Variants in HCRTR2 observed in about 807,000 individuals in gnomAD.
HCRTR2 encodes hypocretin receptor 2.
A neutral mutation model predicts 49.0 loss-of-function variants in HCRTR2; 22 were observed. The observed-to-expected ratio is 0.45, with a 90% CI of 0.32 to 0.64. HCRTR2 has a LOEUF of 0.64. Ranked by LOEUF, HCRTR2 falls within the 30% of genes least tolerant of loss-of-function variation. The probability of loss-of-function intolerance (pLI) is 0.04; values close to 1 mark genes in which losing one functional copy is unlikely to be tolerated. For synonymous variants in HCRTR2, 236 were observed against 205.3 expected, an observed-to-expected ratio of 1.15 and a Z score of -1.28; for missense variants, 491 against 559.4, an observed-to-expected ratio of 0.88 and a Z score of 1.23.
chr6:55,117,076 T>C (rs1764128392), intron 1 of HCRTR2, among the ~76,000 whole-genome samples: 1 of 151,894 alleles, frequency 6.6e-6, no homozygotes, highest in African/African-American at 2.4e-5. Flanking sequence ...TTAAATGGAC[T>C]GAGAAAAGCT....
intron 1 of HCRTR2, among the ~76,000 whole-genome samples, chr6:55,221,619 C>G (rs573791129): frequency 2.0e-5 from 3 of 152,210 alleles, no homozygotes; most frequent in East Asian, 3.9e-4. Context: ...CGAGACCATC[C>G]TGGCTAACAC....
chr6:55,170,682 C>G (rs1190218741), upstream of HCRTR2, among the ~76,000 whole-genome samples: 2 of 151,102 alleles, frequency 1.3e-5, no homozygotes, highest in Non-Finnish European at 2.9e-5. Flanking sequence ...GTGCTGCACC[C>G]ATTAACTCCT....
intron 1 of HCRTR2, among the ~76,000 whole-genome samples, chr6:55,123,659 T>G (rs1561978687): frequency 6.6e-6 from 1 of 152,166 alleles, no homozygotes; most frequent in Non-Finnish European, 1.5e-5. Flanking sequence ...TTAGGGAGGA[T>G]TCCTGCTTTT....
intron 1 of HCRTR2, among the ~76,000 whole-genome samples, chr6:55,188,796 TAA>T (rs1765268017): frequency 6.6e-6 from 1 of 152,178 alleles, no homozygotes; most frequent in Non-Finnish European, 1.5e-5. Context: ...AGGCATATGC[TAA>T]GTCTCAGAAC....
chr6:55,247,021 T>A (rs1456070079), intron 1 of HCRTR2, among the ~76,000 whole-genome samples: 1 of 152,072 alleles, frequency 6.6e-6, no homozygotes, highest in Admixed American at 6.6e-5. Context: ...TTTTCCTAGA[T>A]CCAATATTGT....
intron 2 of HCRTR2, among the ~76,000 whole-genome samples, chr6:55,252,989 T>C (rs1257706201): frequency 6.6e-6 from 1 of 152,020 alleles, no homozygotes; most frequent in Non-Finnish European, 1.5e-5. Flanking sequence ...TAGGTACTAT[T>C]AATCATCCAC....
chr6:55,262,562 A>C (rs1235481064), intron 3 of HCRTR2, among the ~76,000 whole-genome samples: 1 of 132,338 alleles, frequency 7.6e-6, no homozygotes, highest in Non-Finnish European at 1.5e-5. Flanking sequence ...ATTATATATT[A>C]TATATTTATA....
At chr6:55,168,134 G>A (rs183124796) in intron 1 of HCRTR2, among the ~76,000 whole-genome samples, 3 of 152,304 alleles carry the variant, frequency 2.0e-5, no homozygotes, top group Admixed American at 1.3e-4. Context: ...TAAGTCTGGG[G>A]ATACAAAGAT....
intron 1 of HCRTR2, among the ~76,000 whole-genome samples, chr6:55,212,871 TA>T (rs1345456105): frequency 4.6e-5 from 7 of 152,164 alleles, no homozygotes; most frequent in Admixed American, 1.3e-4. Flanking sequence ...CCATCTAATT[TA>T]AAATTCCAAC....
At chr6:55,225,464 A>G (rs1765985440) in intron 1 of HCRTR2, among the ~76,000 whole-genome samples, 1 of 152,178 alleles carries the variant, frequency 6.6e-6, no homozygotes, top group Admixed American at 6.5e-5. Context: ...TGGTGATACA[A>G]AGGCATATGA....
chr6:55,118,873 G>T (rs775514021), intron 1 of HCRTR2, among the ~76,000 whole-genome samples: 1 of 151,500 alleles, frequency 6.6e-6, no homozygotes, highest in Non-Finnish European at 1.5e-5. Context: ...ATGCCATGGT[G>T]GTTTGCTATA....
At chr6:55,277,269 C>T in intron 4 of HCRTR2, 111 bp from the exon 5 acceptor site, 2 of 866,322 alleles carry the variant, frequency 2.3e-6, no homozygotes, top group Non-Finnish European at 3.8e-6. Context: ...CTCAAACCTC[C>T]CACACCTCAG....
chr6:55,280,517 T>C lies in HCRTR2; in HGVS notation c.1105+73T>C. ...GAGGAATCAATGAACACTCTTCAAC[T>C]ATATGAGGAGTTTAGTTGCTATGTG... On this transcript the variant is annotated intron_variant, in intron 6 of 6. Transcript: ENST00000370862. 6 of 1,594,502 alleles carry C rather than the reference T, an allele frequency of 3.8e-6. No homozygotes were observed. In the South Asian group the frequency reaches 6.7e-5, roughly 18 times the overall value.
chr6:55,162,455 C>A (rs1319651034), intron 1 of HCRTR2, among the ~76,000 whole-genome samples: 1 of 152,162 alleles, frequency 6.6e-6, no homozygotes, highest in African/African-American at 2.4e-5. Flanking sequence ...TCTCACCACT[C>A]CTATTCAACA....
chr6:55,216,600 G>T (rs571950839), intron 1 of HCRTR2, among the ~76,000 whole-genome samples: 8 of 152,310 alleles, frequency 5.3e-5, no homozygotes, highest in Admixed American at 2.0e-4. Context: ...TAAAGCTAAA[G>T]AATACTCTTT....
intron 1 of HCRTR2, among the ~76,000 whole-genome samples, chr6:55,134,906 G>A (rs1468131249): frequency 6.6e-6 from 1 of 151,744 alleles, no homozygotes; most frequent in Admixed American, 6.6e-5. Context: ...CAGCACTTAG[G>A]TTATTTCCAT....
chr6:55,279,035 T>G (rs1259737143), intron 5 of HCRTR2, among the ~76,000 whole-genome samples: 5 of 152,024 alleles, frequency 3.3e-5, no homozygotes, highest in Non-Finnish European at 5.9e-5. Context: ...TTCTTCTGAC[T>G]CAAATCCCTT....
At chr6:55,164,932 GAATTCAGACTTCTATCAGATA>G (rs1286481263) in intron 1 of HCRTR2, among the ~76,000 whole-genome samples, 1 of 151,990 alleles carries the variant, frequency 6.6e-6, no homozygotes, top group African/African-American at 2.4e-5. Context: ...CATGGCAAAG[GAATTCAGACTTCTATCAGATA>G]AATTCAAAAA....
intron 1 of HCRTR2, among the ~76,000 whole-genome samples, chr6:55,238,374 T>C (rs565884079): frequency 6.6e-6 from 1 of 152,292 alleles, no homozygotes; most frequent in East Asian, 1.9e-4. Context: ...AAACTGTCAG[T>C]ATTAATCTCT....
Sources: allele counts gnomAD v4.1 joint callset (sites outside exome capture counted in the v4.1 genomes callset), GRCh38; gene constraint gnomAD v4.1.1; transcripts MANE v1.5; gene names NCBI Gene and HGNC (gene_info 2026-07-23, HGNC 2026-07-21).